Variants in SHMT1 observed in about 807,000 individuals in gnomAD.
SHMT1 encodes serine hydroxymethyltransferase 1.
In SHMT1, 45 loss-of-function variants were observed where a neutral mutation model predicts 49.0. The observed-to-expected ratio is 0.92, with a 90% CI of 0.72 to 1.18. The LOEUF is 1.18. Among genes scored for constraint, SHMT1 ranks in the 50% most tolerant of loss-of-function variants. The pLI is 0.00. For missense variants in SHMT1, 541 were observed against 612.4 expected (o/e 0.88, Z 1.23); for synonymous variants, 232 against 246.6 (o/e 0.94, Z 0.55).
intron 3 of SHMT1, among the ~76,000 whole-genome samples, chr17:18,353,341 C>A (rs1158712375): frequency 1.3e-5 from 2 of 152,128 alleles, no homozygotes; most frequent in Non-Finnish European, 2.9e-5. Flanking sequence ...GCAACGGCCA[C>A]CTTCTGCAGC....
At chr17:18,344,778 C>T (rs1157405833) in intron 5 of SHMT1, among the ~76,000 whole-genome samples, 1 of 152,146 alleles carries the variant, frequency 6.6e-6, no homozygotes, top group African/African-American at 2.4e-5. Context: ...CCAGCAGTCA[C>T]TTAGGACCAG....
chr17:18,352,148 TTC>T (rs1324200869), intron 3 of SHMT1, among the ~76,000 whole-genome samples: 1 of 99,902 alleles, frequency 1.0e-5, no homozygotes, highest in Non-Finnish European at 2.0e-5. Flanking sequence ...CTCAGTCCCC[TTC>T]TTTTTTTTTT....
chr17:18,348,609 A>T, intron 3 of SHMT1, 169 bp from the exon 4 acceptor site: 1 of 726,168 alleles, frequency 1.4e-6, no homozygotes, highest in South Asian at 1.4e-5. Context: ...GTGTTCCACC[A>T]ATGCCTCTGG....
chr17:18,339,712 C>T (rs1359972523), intron 7 of SHMT1, among the ~76,000 whole-genome samples: 1 of 152,170 alleles, frequency 6.6e-6, no homozygotes, highest in African/African-American at 2.4e-5. Context: ...AGGTGCCCAC[C>T]ACCACACTCG....
chr17:18,351,979 A>G (rs554662868), intron 3 of SHMT1, among the ~76,000 whole-genome samples: 2 of 152,032 alleles, frequency 1.3e-5, no homozygotes, highest in South Asian at 2.1e-4. Context: ...TGAGTAGCTG[A>G]GACTACAGGC....
In SHMT1 at chr17:18,330,619, A is replaced by G; in HGVS notation, c.1107T>C (p.Asp369=). ...CTAGCACCTTCTCAGCCCTTCCACC[A>G]TCTGTGCCTTTGGAACGGAGATCCA... is the stretch of plus-strand genomic sequence containing the variant. ...ILVDLRSKGT[D]GGRAEKVLEA... Residue 369 remains aspartate, a synonymous_variant, in exon 10 of 12, where the codon GAT becomes GAC. Coordinates refer to ENST00000316694, the MANE Select transcript of SHMT1 (RefSeq NM_004169.5). 1 of 1,614,174 alleles carries G rather than the reference A, an allele frequency of 6.2e-7. No individual in the cohort carries two copies. Among genetic ancestry groups the G allele is most frequent in the Non-Finnish European group, 8.5e-7 (1 of 1,180,000 alleles).
At chr17:18,342,852 C>T (rs1984666880) in intron 5 of SHMT1, among the ~76,000 whole-genome samples, 1 of 151,840 alleles carries the variant, frequency 6.6e-6, no homozygotes, top group African/African-American at 2.4e-5. Flanking sequence ...AGGAGAATCA[C>T]TTGAACCCAG....
intron 5 of SHMT1, among the ~76,000 whole-genome samples, chr17:18,345,576 T>C (rs145852978): frequency 1.4e-3 from 214 of 151,700 alleles, no homozygotes; most frequent in African/African-American, 4.6e-3. Context: ...GGGGTTTCAC[T>C]GTGTTGGCCA....
chr17:18,340,704 C>CA lies in SHMT1; in HGVS notation c.601+27dup, dbSNP rs773479710. 9.4e-6 allele frequency: 15 copies of CA among 1,594,152 alleles called. No individual in the cohort carries two copies. The highest frequency in any genetic ancestry group is 1.3e-5 in the Non-Finnish European group (15 of 1,168,404). Reference sequence around the variant, plus strand: ...TAAGAGGCACCAGGCTACTGGTGAACAAGGTGACTTTCCGCCCCGCGCATC... The same window carrying CA: ...TAAGAGGCACCAGGCTACTGGTGAACAAAGGTGACTTTCCGCCCCGCGCATC... On this transcript the variant is annotated intron_variant, in intron 6 of 11. Transcript: ENST00000316694. The surrounding 1 kb of genome is among the most constrained non-coding windows in gnomAD (Gnocchi z 4.5).
chr17:18,342,512 C>G (rs1207490185), intron 5 of SHMT1, among the ~76,000 whole-genome samples: 5 of 151,724 alleles, frequency 3.3e-5, no homozygotes, highest in African/African-American at 1.2e-4. Flanking sequence ...TGGGGTTTCA[C>G]CATGTTGCCC....
chr17:18,358,087 C>T (rs1414411806), intron 1 of SHMT1, among the ~76,000 whole-genome samples: 6 of 138,684 alleles, frequency 4.3e-5, no homozygotes, highest in Admixed American at 2.2e-4. Context: ...AGGATGGTCT[C>T]GGCCTCCCAA....
At chr17:18,343,380 G>A (rs1248249417) in intron 5 of SHMT1, among the ~76,000 whole-genome samples, 1 of 151,664 alleles carries the variant, frequency 6.6e-6, no homozygotes, top group East Asian at 1.9e-4. Flanking sequence ...AGGCCGAGGG[G>A]GTCAGATCAC....
At chr17:18,356,075 G>C (rs1986214434) in intron 1 of SHMT1, 75 bp from the exon 2 acceptor site, 1 of 738,556 alleles carries the variant, frequency 1.4e-6, no homozygotes, top group Non-Finnish European at 2.2e-6. Flanking sequence ...ATTTATTTTT[G>C]AGATGTAGTC....
chr17:18,348,932 T>G (rs1325310986), intron 3 of SHMT1, among the ~76,000 whole-genome samples: 1 of 144,946 alleles, frequency 6.9e-6, no homozygotes, highest in African/African-American at 2.6e-5. Flanking sequence ...TGAGCTGTGA[T>G]CACGCCACTG....
intron 1 of SHMT1, among the ~76,000 whole-genome samples, chr17:18,361,658 C>T (rs1035764186): frequency 1.5e-5 from 2 of 136,208 alleles, no homozygotes; most frequent in East Asian, 2.1e-4. Context: ...GTGGTGGCGG[C>T]GCCTGTAGTC....
intron 5 of SHMT1, among the ~76,000 whole-genome samples, chr17:18,347,218 C>G (rs1985174946): frequency 6.6e-6 from 1 of 152,190 alleles, no homozygotes; most frequent in African/African-American, 2.4e-5. Context: ...GGTTGCTATT[C>G]CAAGCAGTTG....
At chr17:18,348,635 G>A in intron 3 of SHMT1, 195 bp from the exon 4 acceptor site, 1 of 701,974 alleles carries the variant, frequency 1.4e-6, no homozygotes, top group Non-Finnish European at 2.6e-6. Context: ...ACAGTCAAGA[G>A]ACCAAACCAG....
intron 9 of SHMT1, chr17:18,332,029 T>C (rs1489282350): frequency 6.6e-6 from 1 of 152,298 alleles, no homozygotes; most frequent in Non-Finnish European, 1.5e-5. Flanking sequence ...CTGCCACTGA[T>C]CTGACAGGAG....
intron 5 of SHMT1, among the ~76,000 whole-genome samples, chr17:18,344,676 G>GAGACA (rs1019715873): frequency 6.8e-6 from 1 of 146,488 alleles, no homozygotes; most frequent in African/African-American, 2.5e-5. Context: ...TCTTGAAAAT[G>GAGACA]AGACAAGAGA....
Sources: gnomAD v4.1 joint callset for allele counts (sites outside exome capture counted in the v4.1 genomes callset) on GRCh38, gnomAD v4.1.1 for gene constraint, Gnocchi (gnomAD v3.1) non-coding constraint, MANE v1.5 for transcripts, NCBI Gene and HGNC (gene_info 2026-07-23, HGNC 2026-07-21) for gene names.